The following N4BP2L2 variants were observed in gnomAD, a reference collection of about 807,000 sequenced individuals.
The protein encoded by N4BP2L2 is NEDD4 binding protein 2 like 2.
N4BP2L2 carries 50 observed loss-of-function variants against 56.2 expected under a neutral mutation model. That is an observed-to-expected ratio of 0.89 (90% CI 0.71 to 1.13). The LOEUF (loss-of-function observed/expected upper bound fraction) is 1.13, where lower values mean the gene tolerates loss of function less well. N4BP2L2 is among the 50% of genes most tolerant of loss of function. N4BP2L2 has a pLI of 0.00. For synonymous variants in N4BP2L2, 203 were observed against 223.6 expected, an observed-to-expected ratio of 0.91 and a Z score of 0.82; for missense variants, 689 against 693.8, an observed-to-expected ratio of 0.99 and a Z score of 0.08.
At chr13:32,463,217 A>G (rs2080521422) in intron 6 of N4BP2L2, among the ~76,000 whole-genome samples, 1 of 152,190 alleles carries the variant, frequency 6.6e-6, no homozygotes, top group Non-Finnish European at 1.5e-5. Context: ...GAGCAGGCAG[A>G]AGAACAGTGA....
intron 6 of N4BP2L2, among the ~76,000 whole-genome samples, chr13:32,479,623 CAA>C (rs796450349): frequency 1.1e-4 from 14 of 124,612 alleles, no homozygotes; most frequent in Admixed American, 1.6e-4. Flanking sequence ...TCTTCAGAAG[CAA>C]AAAAAAAAAG....
chr13:32,536,371 T>A, exon 2 of N4BP2L2: 1 of 1,614,152 alleles, frequency 6.2e-7, no homozygotes, highest in Non-Finnish European at 8.5e-7. Context: ...CTTTCTTTTC[T>A]TCATCAGGTT....
chr13:32,534,123 T>G (rs1360962975), intron 2 of N4BP2L2, among the ~76,000 whole-genome samples: 1 of 152,162 alleles, frequency 6.6e-6, no homozygotes, highest in Non-Finnish European at 1.5e-5. Flanking sequence ...AACAACCCAT[T>G]GCACAAGATT....
chr13:32,469,328 G>A lies in N4BP2L2; in HGVS notation c.366-25202C>T, dbSNP rs556173185. On this transcript the variant is annotated intron_variant, in intron 6 of 9. Coordinates refer to the N4BP2L2 transcript ENST00000357505. ...GTGGAGACATGGGTGGCAGTGGACA[G>A]GTCCCCTGTGAGTGTGGAGATGGAA... Among the ~76,000 whole-genome samples the A allele has an allele frequency of 4.6e-5, 7 of 152,332 alleles. No homozygotes were observed. In the South Asian group the frequency reaches 1.4e-3, roughly 32 times the overall value.
At chr13:32,491,635 A>ATT (rs3075001) in intron 6 of N4BP2L2, among the ~76,000 whole-genome samples, 270 of 132,470 alleles carry the variant, frequency 2.0e-3, no homozygotes, top group African/African-American at 4.8e-3. Context: ...ATATATATAT[A>ATT]TTTTTTTTTT....
intron 7 of N4BP2L2, among the ~76,000 whole-genome samples, chr13:32,441,200 T>G (rs1198434400): frequency 6.6e-6 from 1 of 152,150 alleles, no homozygotes; most frequent in Non-Finnish European, 1.5e-5. Context: ...TTAAGTCAAC[T>G]AGTCAGGCTT....
rs377192851 is a variant in N4BP2L2 at position 32,528,578 on chromosome 13, G to C, written c.1260-1046C>G. On this transcript the variant is annotated intron_variant, in intron 2 of 5. Transcript: ENST00000267068. ...ATGAAAGAAATTGGGAGTGTGCTAT[G>C]ATAGGGAAAATGCAGCAAGATAATG... Among the ~76,000 whole-genome samples the C allele has an allele frequency of 1.1e-4, 17 of 152,316 alleles. No individual in the cohort carries two copies. The East Asian group carries it at 1.7e-3, about 16-fold the overall frequency.
intron 6 of N4BP2L2, chr13:32,477,627 C>G (rs2139064447): frequency 6.2e-6 from 2 of 323,316 alleles, no homozygotes; most frequent in Middle Eastern, 1.1e-3. Context: ...AGAGACAGAT[C>G]TAAAGCTACA....
At chr13:32,514,328 C>CA (rs978002603) in exon 6 of N4BP2L2, 3 of 152,018 alleles carry the variant, frequency 2.0e-5, no homozygotes, top group South Asian at 2.1e-4. Context: ...TCATTTACCA[C>CA]AAAAAAGTAA....
exon 7 of N4BP2L2, chr13:32,443,464 G>A: frequency 6.2e-7 from 1 of 1,613,636 alleles, no homozygotes; most frequent in Non-Finnish European, 8.5e-7. Flanking sequence ...ATTGATTTTA[G>A]TTGTATACAC....
chr13:32,527,474 G>A, exon 3 of N4BP2L2: 2 of 1,613,836 alleles, frequency 1.2e-6, no homozygotes, highest in Non-Finnish European at 1.7e-6. Context: ...CCATCTTGAT[G>A]GTGAAAATAG....
At chr13:32,483,127 CA>C (rs1342345748) in intron 6 of N4BP2L2, among the ~76,000 whole-genome samples, 1 of 152,184 alleles carries the variant, frequency 6.6e-6, no homozygotes, top group Non-Finnish European at 1.5e-5. Context: ...GTTTATTAGT[CA>C]AACGAAATCT....
intron 3 of N4BP2L2, 47 bp from the exon 4 acceptor site, chr13:32,522,317 A>C (rs1170230633): frequency 8.0e-7 from 1 of 1,245,484 alleles, no homozygotes; most frequent in Non-Finnish European, 1.1e-6. Flanking sequence ...ATTAGGTTAA[A>C]ACACACAAAA....
chr13:32,474,477 G>A (rs982552128), intron 6 of N4BP2L2, among the ~76,000 whole-genome samples: 10 of 151,634 alleles, frequency 6.6e-5, no homozygotes, highest in Admixed American at 2.0e-4. Flanking sequence ...ATCACCTGAG[G>A]TCAGGAGTTT....
At chr13:32,459,908 C>A (rs916763146) in intron 6 of N4BP2L2, among the ~76,000 whole-genome samples, 10 of 152,088 alleles carry the variant, frequency 6.6e-5, no homozygotes, top group Non-Finnish European at 1.5e-4. Flanking sequence ...AAATCCTCAG[C>A]AGAATATGAA....
intron 3 of N4BP2L2, among the ~76,000 whole-genome samples, chr13:32,526,291 C>T (rs985236711): frequency 6.6e-6 from 1 of 152,092 alleles, no homozygotes; most frequent in South Asian, 2.1e-4. Context: ...TCGTTTGGAT[C>T]CCAATTCAAA....
chr13:32,537,677 T>C (rs2056888553), intron 1 of N4BP2L2, among the ~76,000 whole-genome samples: 1 of 152,114 alleles, frequency 6.6e-6, no homozygotes, highest in Non-Finnish European at 1.5e-5. Flanking sequence ...ATAACTTAAG[T>C]TGTAATGATG....
At chr13:32,462,975 G>A (rs867902240) in intron 6 of N4BP2L2, among the ~76,000 whole-genome samples, 15 of 151,482 alleles carry the variant, frequency 9.9e-5, no homozygotes, top group African/African-American at 2.2e-4. Context: ...CCCAGGAGGC[G>A]GAGGCTGCAG....
chr13:32,507,580 C>T (rs556736991), downstream of N4BP2L2: 1 of 152,046 alleles, frequency 6.6e-6, no homozygotes, highest in Non-Finnish European at 1.5e-5. Context: ...GAGACCTAAA[C>T]ATTAAGAAAA....
Sources: allele counts gnomAD v4.1 joint callset (sites outside exome capture counted in the v4.1 genomes callset), GRCh38; gene constraint gnomAD v4.1.1; transcripts MANE v1.5; gene names NCBI Gene and HGNC (gene_info 2026-07-23, HGNC 2026-07-21).